The following ERBB4 variants were observed in gnomAD, a reference collection of about 807,000 sequenced individuals.
The protein encoded by ERBB4 is erb-b2 receptor tyrosine kinase 4.
ERBB4 carries 42 observed loss-of-function variants against 158.0 expected under a neutral mutation model. That is an observed-to-expected ratio of 0.27 (90% CI 0.21 to 0.34). ERBB4 has a LOEUF of 0.34. ERBB4 is among the 10% of genes least tolerant of loss of function. The probability of loss-of-function intolerance (pLI) is 1.00; values close to 1 mark genes in which losing one functional copy is unlikely to be tolerated. For synonymous variants in ERBB4, 583 were observed against 558.7 expected, an observed-to-expected ratio of 1.04 and a Z score of -0.61; for missense variants, 1,333 against 1,624.1, an observed-to-expected ratio of 0.82 and a Z score of 3.08.
At chr2:212,083,407 G>A (rs1228598278) in intron 2 of ERBB4, among the ~76,000 whole-genome samples, 1 of 151,966 alleles carries the variant, frequency 6.6e-6, no homozygotes, top group African/African-American at 2.4e-5. Flanking sequence ...TGTCACCAAG[G>A]TTGATTTAGG....
chr2:211,683,783 T>G (rs1405327032), intron 12 of ERBB4, among the ~76,000 whole-genome samples: 1 of 150,962 alleles, frequency 6.6e-6, no homozygotes, highest in Non-Finnish European at 1.5e-5. Context: ...TTTTCTAGAG[T>G]GATTGTACCA....
In ERBB4 at chr2:212,133,246, T is replaced by G. The variant is rs531503863; in HGVS notation, c.83-8343A>C. Among the ~76,000 whole-genome samples the G allele has an allele frequency of 5.3e-5, 8 of 152,240 alleles. No homozygotes were observed. The South Asian group carries it at 8.3e-4, about 16-fold the overall frequency. On this transcript the variant is annotated intron_variant, in intron 1 of 27. Coordinates refer to ENST00000342788, the MANE Select transcript of ERBB4 (RefSeq NM_005235.3). ...ACCCTTGGCTTCTAATTGCACTGAC[T>G]ATAAAATCCAAAGTTCTTATAGCCT... is the stretch of plus-strand genomic sequence containing the variant.
chr2:212,381,037 T>C (rs1328244401), intron 1 of ERBB4, among the ~76,000 whole-genome samples: 1 of 151,350 alleles, frequency 6.6e-6, no homozygotes, highest in African/African-American at 2.4e-5. Flanking sequence ...TAGAAAACAA[T>C]AGTATCTTCA....
intron 1 of ERBB4, among the ~76,000 whole-genome samples, chr2:212,328,757 A>G (rs73987364): frequency 0.025 from 3,811 of 152,120 alleles, 160 homozygotes; most frequent in African/African-American, 0.088. Context: ...TTTTTAGGGT[A>G]TAAGAATAAT....
intron 25 of ERBB4, among the ~76,000 whole-genome samples, chr2:211,412,895 A>C (rs1201828251): frequency 6.6e-6 from 1 of 151,416 alleles, no homozygotes; most frequent in Non-Finnish European, 1.5e-5. Flanking sequence ...TGGAGATTGC[A>C]ATGAGCCGAG....
At chr2:212,211,909 A>T (rs1196467494) in intron 1 of ERBB4, among the ~76,000 whole-genome samples, 1 of 151,104 alleles carries the variant, frequency 6.6e-6, no homozygotes, top group African/African-American at 2.4e-5. Flanking sequence ...TTTTTATGGC[A>T]ACATAGTATT....
intron 1 of ERBB4, among the ~76,000 whole-genome samples, chr2:212,188,973 G>A (rs2082110465): frequency 1.3e-5 from 2 of 150,836 alleles, no homozygotes; most frequent in Non-Finnish European, 2.9e-5. Context: ...TATACATGTA[G>A]TCAAATTAGT....
rs532076809 is a variant in ERBB4, at chr2:212,030,163, C to T, written c.235-82547G>A. On this transcript the variant is annotated intron_variant, in intron 2 of 27. Coordinates refer to ENST00000342788, the MANE Select transcript of ERBB4 (RefSeq NM_005235.3). ...ATACAAATGATGAAATGTATGAACG[C>T]ACTTCCATCTTCAATCCCCATATCC... Among the ~76,000 whole-genome samples the T allele has an allele frequency of 2.1e-4, 32 of 152,228 alleles. 1 individual carries two copies. In the South Asian group the frequency reaches 6.4e-3, roughly 31 times the overall value.
intron 3 of ERBB4, among the ~76,000 whole-genome samples, chr2:211,843,060 G>A (rs150527798): frequency 3.9e-3 from 597 of 152,168 alleles, no homozygotes; most frequent in African/African-American, 0.014. Flanking sequence ...AACAGCTATT[G>A]AAGTCAAAAT....
chr2:211,688,702 A>G (rs2072674529), intron 12 of ERBB4, among the ~76,000 whole-genome samples: 1 of 152,138 alleles, frequency 6.6e-6, no homozygotes, highest in South Asian at 2.1e-4. Flanking sequence ...TTCACATAAA[A>G]TTTCTCCCAA....
intron 1 of ERBB4, among the ~76,000 whole-genome samples, chr2:212,184,162 G>A (rs2081950084): frequency 1.3e-5 from 2 of 152,092 alleles, no homozygotes; most frequent in South Asian, 4.2e-4. Context: ...AAGGGGCTGT[G>A]GTTCTTGGTG....
chr2:211,867,024 CAAAAAAAAAAAAAA>C (rs386392490), intron 3 of ERBB4, among the ~76,000 whole-genome samples: 2 of 60,624 alleles, frequency 3.3e-5, no homozygotes, highest in Non-Finnish European at 5.7e-5. Context: ...TCCTTAAAAC[CAAAAAAAAAAAAAA>C]AAAAAAAAAA....
At chr2:211,441,041 T>C (rs779096410) in intron 20 of ERBB4, among the ~76,000 whole-genome samples, 6 of 152,174 alleles carry the variant, frequency 3.9e-5, no homozygotes, top group Middle Eastern at 3.2e-3. Context: ...ATCTGCCCCA[T>C]GCCCTCCTTC....
At chr2:212,119,104 C>T (rs2079663234) in intron 2 of ERBB4, among the ~76,000 whole-genome samples, 1 of 151,864 alleles carries the variant, frequency 6.6e-6, no homozygotes. Context: ...GTAACTATTC[C>T]ACATCCATGC....
chr2:212,061,545 T>C (rs1054318522), intron 2 of ERBB4, among the ~76,000 whole-genome samples: 1 of 150,332 alleles, frequency 6.7e-6, no homozygotes, highest in East Asian at 2.0e-4. Context: ...CTGGCATTCA[T>C]TACACTTCAA....
At chr2:211,568,593 T>C (rs1290507251) in intron 19 of ERBB4, among the ~76,000 whole-genome samples, 1 of 152,148 alleles carries the variant, frequency 6.6e-6, no homozygotes, top group Non-Finnish European at 1.5e-5. Flanking sequence ...CCAAACTCTG[T>C]TTCATTGTAT....
chr2:211,698,679 T>C (rs971175081), intron 12 of ERBB4, among the ~76,000 whole-genome samples: 1 of 152,132 alleles, frequency 6.6e-6, no homozygotes, highest in African/African-American at 2.4e-5. Flanking sequence ...TCTGTATAAA[T>C]ATTTTTAAGA....
At chr2:211,666,196 A>G (rs1232333622) in intron 14 of ERBB4, among the ~76,000 whole-genome samples, 1 of 152,146 alleles carries the variant, frequency 6.6e-6, no homozygotes, top group African/African-American at 2.4e-5. Flanking sequence ...ATGTCTATTT[A>G]TAGGGATTTT....
intron 1 of ERBB4, among the ~76,000 whole-genome samples, chr2:212,193,140 T>A (rs1032756351): frequency 3.3e-5 from 5 of 152,136 alleles, no homozygotes; most frequent in African/African-American, 1.2e-4. Context: ...TGGATATAGC[T>A]GGACTGATGC....
Sources: gnomAD v4.1 joint callset for allele counts (sites outside exome capture counted in the v4.1 genomes callset) on GRCh38, gnomAD v4.1.1 for gene constraint, MANE v1.5 for transcripts, NCBI Gene and HGNC (gene_info 2026-07-23, HGNC 2026-07-21) for gene names.